Variants in TET3 observed in about 807,000 individuals in gnomAD.
TET3 encodes tet methylcytosine dioxygenase 3.
A neutral mutation model predicts 141.4 loss-of-function variants in TET3; 19 were observed. The observed-to-expected ratio is 0.13, with a 90% CI of 0.09 to 0.20. TET3 has a LOEUF of 0.20. Ranked by LOEUF, TET3 falls within the 10% of genes least tolerant of loss-of-function variation. The pLI, the probability that TET3 is intolerant of heterozygous loss-of-function variation, is 1.00. For synonymous variants in TET3, 1,043 were observed against 980.9 expected (o/e 1.06, Z -1.18); for missense variants, 1,874 against 2,356.9 (o/e 0.80, Z 4.24).
intron 1 of TET3, among the ~76,000 whole-genome samples, chr2:73,985,698 T>G (rs1198220265): frequency 7.2e-5 from 11 of 151,968 alleles, no homozygotes; most frequent in African/African-American, 2.7e-4. Flanking sequence ...TTGGTGAAAC[T>G]CTCACCAGCC....
chr2:74,131,950 G>A, the TET3 span, among the ~76,000 whole-genome samples: 4 of 152,186 alleles, frequency 2.6e-5, no homozygotes, highest in East Asian at 7.7e-4. Flanking sequence ...AGATTTAGAA[G>A]CATTTAGGGG....
At chr2:74,012,887 T>C (rs1373355951) in intron 3 of TET3, among the ~76,000 whole-genome samples, 1 of 152,142 alleles carries the variant, frequency 6.6e-6, no homozygotes, top group Non-Finnish European at 1.5e-5. Context: ...CAATTAGTAG[T>C]GGATGTTTGC....
rs1473608407 is a variant in TET3, at chr2:74,093,376, G to A, written c.3130-153G>A. 6.6e-6 allele frequency among the ~76,000 whole-genome samples: 1 copy of A among 152,098 alleles called. No individual in the cohort carries two copies. The highest frequency in any genetic ancestry group is 1.5e-5 in the Non-Finnish European group (1 of 68,024). On this transcript the variant is annotated intron_variant, in intron 9 of 11. Coordinates refer to ENST00000409262, the MANE Select transcript of TET3 (RefSeq NM_001287491.2). This position sits in a 1 kb window ranked among gnomAD's most constrained non-coding sequence, Gnocchi z 4.2. ...TGAAAGTAACTTTTTTGTAGCTGGG[G>A]CCTCTCAGCCAGAAAACCTCCCTCC... is the stretch of plus-strand genomic sequence containing the variant.
chr2:74,129,469 CA>C, the TET3 span, among the ~76,000 whole-genome samples: 4 of 146,776 alleles, frequency 2.7e-5, no homozygotes, highest in African/African-American at 1.0e-4. Context: ...CTCGTCTCTA[CA>C]AAAAACGCAA....
At chr2:74,018,978 G>A (rs919344206) in intron 3 of TET3, among the ~76,000 whole-genome samples, 1 of 152,180 alleles carries the variant, frequency 6.6e-6, no homozygotes, top group South Asian at 2.1e-4. Flanking sequence ...AGGTGTGGTG[G>A]CTCATGCCCC....
At position 74,048,011 on chromosome 2, in the gene TET3, C is replaced by T. The variant is rs1394167156; in HGVS notation, c.2094C>T (p.Gly698=). ...CAGCCTTGCAGCCAGGCTCCACTGG[C>T]CCTCTTCCCCCTGCCGATGACAAGC... The part of the protein sequence containing the change: ...PMTALQPGST[G]PLPPADDKLE... The change falls in exon 4 of 12, where the codon GGC becomes GGT. Residue 698 remains glycine (G), a synonymous_variant. Coordinates refer to ENST00000409262, the MANE Select transcript of TET3 (RefSeq NM_001287491.2). 1.9e-6 allele frequency: 3 copies of T among 1,608,006 alleles called. No individual in the cohort carries two copies. Among genetic ancestry groups the T allele is most frequent in the Admixed American group, 3.4e-5 (2 of 59,278 alleles).
chr2:74,030,321 C>T (rs930301028), intron 3 of TET3, among the ~76,000 whole-genome samples: 2 of 152,182 alleles, frequency 1.3e-5, no homozygotes, highest in African/African-American at 4.8e-5. Flanking sequence ...AAACTTCATA[C>T]AGTATGGTAT....
chr2:74,024,746 C>A (rs1243640738), intron 3 of TET3, among the ~76,000 whole-genome samples: 1 of 152,120 alleles, frequency 6.6e-6, no homozygotes, highest in East Asian at 1.9e-4. Flanking sequence ...CCATAGATAC[C>A]ATACAGTAAA....
intron 3 of TET3, among the ~76,000 whole-genome samples, chr2:74,009,067 C>G (rs79681166): frequency 0.02 from 2,983 of 152,058 alleles, 98 homozygotes; most frequent in African/African-American, 0.068. Flanking sequence ...TTTGCCTCCT[C>G]TGCAGCATCC....
At position 74,046,598 on chromosome 2, in the gene TET3, G is replaced by A; in HGVS notation, c.681G>A (p.Glu227=). The A allele has an allele frequency of 2.5e-6, 4 of 1,614,076 alleles. No homozygotes were observed. The South Asian group carries it at 4.4e-5, about 18-fold the overall frequency. Residue 227 remains glutamate, a synonymous_variant, in exon 4 of 12, where the codon GAG becomes GAA. Transcript: ENST00000409262. The surrounding 1 kb of genome is among the most constrained non-coding windows in gnomAD (Gnocchi z 4.3). ...STRLYETFNR[E]MSREAGNNSR... ...GGCTCTATGAAACCTTCAACCGTGA[G>A]ATGAGTCGTGAGGCTGGGAACAACA...
chr2:74,060,444 G>C (rs1294538425), intron 4 of TET3, among the ~76,000 whole-genome samples: 2 of 152,122 alleles, frequency 1.3e-5, no homozygotes, highest in African/African-American at 4.8e-5. Flanking sequence ...AGAGTATTGA[G>C]ATTAAAAAGT....
At chr2:74,088,925 A>C (rs150164166) in intron 7 of TET3, among the ~76,000 whole-genome samples, 11 of 152,168 alleles carry the variant, frequency 7.2e-5, no homozygotes, top group South Asian at 2.1e-4. Context: ...TACTAAAAAT[A>C]TAAAAATTAG....
At chr2:74,110,646 C>T (rs1341524916), downstream of TET3, among the ~76,000 whole-genome samples, 1 of 152,158 alleles carries the variant, frequency 6.6e-6, no homozygotes, top group African/African-American at 2.4e-5. Flanking sequence ...CATCCCCACT[C>T]CAGAGGTCTT....
At chr2:74,080,738 T>G (rs564243900) in intron 6 of TET3, 147 bp downstream of exon 6, 40 of 654,528 alleles carry the variant, frequency 6.1e-5, no homozygotes, top group Non-Finnish European at 1.0e-4. Flanking sequence ...AGACAACATG[T>G]TGACTGTCCA....
chr2:74,016,112 A>G (rs1685713708), intron 3 of TET3, among the ~76,000 whole-genome samples: 1 of 152,118 alleles, frequency 6.6e-6, no homozygotes, highest in Admixed American at 6.5e-5. Flanking sequence ...TCATGCTTAT[A>G]GTCCCAGTGC....
intron 5 of TET3, among the ~76,000 whole-genome samples, chr2:74,079,022 G>A (rs1046637291): frequency 1.7e-4 from 26 of 152,300 alleles, no homozygotes; most frequent in African/African-American, 5.3e-4. Context: ...CAGTAAAGTC[G>A]GGAAGAAGCA....
the TET3 span, among the ~76,000 whole-genome samples, chr2:74,114,505 C>G: frequency 2.6e-5 from 4 of 151,974 alleles, no homozygotes; most frequent in Admixed American, 1.3e-4. Context: ...CACTTAAAAT[C>G]ATAAATTTTA....
chr2:74,117,925 T>C, the TET3 span, among the ~76,000 whole-genome samples: 1 of 152,082 alleles, frequency 6.6e-6, no homozygotes, highest in East Asian at 1.9e-4. Flanking sequence ...TTTGTATTTT[T>C]AGTAGTGACG....
Position 74,101,248 on chromosome 2 carries a change from A to T in TET3, c.4460A>T (p.Asp1487Val). 6.2e-7 allele frequency: 1 copy of T among 1,612,730 alleles called. No homozygotes were observed. The highest frequency in any genetic ancestry group is 1.1e-5 in the South Asian group (1 of 90,872). ...ASCLAPSHFT[D>V]GQWGLFPGEG... Reference sequence around the variant, plus strand: ...TGCCTGGCCCCTTCCCACTTCACAGATGGCCAGTGGGGGCTGTTCCCCGGT... The same window carrying T: ...TGCCTGGCCCCTTCCCACTTCACAGTTGGCCAGTGGGGGCTGTTCCCCGGT... Residue 1487 changes from aspartate to valine, a missense_variant, in exon 12 of 12, where the codon GAT becomes GTT. By Grantham distance (152) the Asp-to-Val change is radical. Around this residue, in one of 10 missense-constraint regions of TET3, gnomAD observed 602 missense variants for 590.2 expected, o/e 1.02. Transcript: ENST00000409262. This position sits in a 1 kb window ranked among gnomAD's most constrained non-coding sequence, Gnocchi z 8.5.
Sources: gnomAD v4.1 joint callset for allele counts (sites outside exome capture counted in the v4.1 genomes callset) on GRCh38, gnomAD v4.1.1 for gene constraint, gnomAD v4.1.1 regional missense constraint, Gnocchi (gnomAD v3.1) non-coding constraint, MANE v1.5 for transcripts, NCBI Gene and HGNC (gene_info 2026-07-23, HGNC 2026-07-21) for gene names.